The following FDFT1 variants were observed in gnomAD, a reference collection of about 807,000 sequenced individuals.
The protein encoded by FDFT1 is farnesyl-diphosphate farnesyltransferase 1.
FDFT1 carries 68 observed loss-of-function variants against 46.8 expected under a neutral mutation model. That is an observed-to-expected ratio of 1.45 (90% CI 1.19 to 1.78). The LOEUF (loss-of-function observed/expected upper bound fraction) is 1.78, where lower values mean the gene tolerates loss of function less well. Among genes scored for constraint, FDFT1 ranks in the 40% most tolerant of loss-of-function variants. The pLI is 0.00. For missense variants in FDFT1, 928 were observed against 524.4 expected (o/e 1.77, Z -7.52); for synonymous variants, 351 against 185.1 (o/e 1.90, Z -7.28).
At chr8:11,835,600 G>T (rs1338437213) in intron 7 of FDFT1, among the ~76,000 whole-genome samples, 1 of 152,188 alleles carries the variant, frequency 6.6e-6, no homozygotes, top group Non-Finnish European at 1.5e-5. Context: ...TTGGGTGCCA[G>T]CGATTGATTC....
chr8:11,797,537 T>G (rs201732525), upstream of FDFT1, among the ~76,000 whole-genome samples: 2 of 151,278 alleles, frequency 1.3e-5, no homozygotes, highest in Non-Finnish European at 2.9e-5. Context: ...AAAGAACAGA[T>G]AATCACAGCT....
chr8:11,803,268 G>C (rs1364365762), intron 1 of FDFT1: 37 of 1,341,516 alleles, frequency 2.8e-5, no homozygotes, highest in Middle Eastern at 2.0e-4. Flanking sequence ...AATGTGGGTG[G>C]GTTACGCGGG....
chr8:11,799,463 C>T (rs1585829912), upstream of FDFT1, among the ~76,000 whole-genome samples: 3 of 152,232 alleles, frequency 2.0e-5, no homozygotes, highest in East Asian at 1.9e-4. Flanking sequence ...CCATTGCCTG[C>T]ATGGCCTTAG....
chr8:11,798,354 C>A (rs913656728), upstream of FDFT1, among the ~76,000 whole-genome samples: 8 of 152,178 alleles, frequency 5.3e-5, no homozygotes, highest in Admixed American at 3.3e-4. Flanking sequence ...GCCACTGCAC[C>A]CAGCCCAGTG....
At position 11,802,854 on chromosome 8, in the gene FDFT1, G is replaced by A. The variant is rs1324986778; in HGVS notation, c.22G>A (p.Gly8Ser). The change falls in exon 1 of 8, where the codon GGC becomes AGC. Residue 8 changes from glycine (G) to serine (S), a missense_variant. Coordinates refer to ENST00000220584, the MANE Select transcript of FDFT1 (RefSeq NM_004462.5). ...CAGGATGGAGTTCGTGAAATGCCTTGGCCACCCCGAAGAGTTCTACAACCT... is the reference window on the plus strand; with the variant it reads ...CAGGATGGAGTTCGTGAAATGCCTTAGCCACCCCGAAGAGTTCTACAACCT... MEFVKCL[G>S]HPEEFYNLVR... 6.2e-7 allele frequency: 1 copy of A among 1,611,506 alleles called. No individual in the cohort carries two copies. Among genetic ancestry groups the A allele is most frequent in the Non-Finnish European group, 8.5e-7 (1 of 1,178,786 alleles).
At chr8:11,829,908 C>T (rs980782243) in intron 5 of FDFT1, among the ~76,000 whole-genome samples, 11 of 148,344 alleles carry the variant, frequency 7.4e-5, no homozygotes, top group Non-Finnish European at 1.3e-4. Flanking sequence ...AGTGCAATGG[C>T]GAGATCTTGA....
rs576899808 is a variant in FDFT1 at position 11,815,785 on chromosome 8, T to G, written c.381+5935T>G. Among the ~76,000 whole-genome samples the G allele has an allele frequency of 2.6e-5, 4 of 152,368 alleles. No homozygotes were observed. The South Asian group carries it at 6.2e-4, about 24-fold the overall frequency. On this transcript the variant is annotated intron_variant, in intron 3 of 7. Coordinates refer to ENST00000220584, the MANE Select transcript of FDFT1 (RefSeq NM_004462.5). The stretch of plus-strand genomic sequence containing the variant: ...TGGATACTACCCTTTGTTGGATGGA[T>G]AAATTACAAAAATTTTCTCCTATTC...
intron 5 of FDFT1, among the ~76,000 whole-genome samples, chr8:11,828,667 C>T (rs951227799): frequency 6.6e-6 from 1 of 152,252 alleles, no homozygotes; most frequent in African/African-American, 2.4e-5. Context: ...AGCATCATTT[C>T]TACCACACGG....
chr8:11,821,947 C>T lies in FDFT1; in HGVS notation c.510+69C>T, dbSNP rs147321316. ...AGCTGGCAGTCCTCATAGTGAAGCT[C>T]AGAACAAGAAAAGTTGTCCAGTATT... On this transcript the variant is annotated intron_variant, in intron 4 of 7. Transcript: ENST00000220584. The T allele has an allele frequency of 7.0e-6, 11 of 1,564,884 alleles. No homozygotes were observed. In the East Asian group the frequency reaches 2.1e-4, roughly 30 times the overall value.
chr8:11,810,008 C>T, intron 3 of FDFT1, 158 bp downstream of exon 3: 1 of 561,808 alleles, frequency 1.8e-6, no homozygotes, highest in East Asian at 3.0e-5. Flanking sequence ...ACTCTGAAGC[C>T]AGGCTGCCTG....
chr8:11,796,553 G>A (rs978396068), intron 1 of FDFT1, among the ~76,000 whole-genome samples: 3 of 152,218 alleles, frequency 2.0e-5, no homozygotes, highest in Non-Finnish European at 1.5e-5. Flanking sequence ...TCCGAGGCAG[G>A]CAGGGGAGTG....
At position 11,826,199 on chromosome 8, in the gene FDFT1, A is replaced by T; in HGVS notation, c.686A>T (p.Glu229Val). The T allele has an allele frequency of 1.9e-6, 3 of 1,557,656 alleles. No individual in the cohort carries two copies. Among genetic ancestry groups the T allele is most frequent in the Non-Finnish European group, 2.6e-6 (3 of 1,140,270 alleles). Residue 229 changes from glutamate (E) to valine (V), a missense_variant, in exon 5 of 8, where the codon GAG (glutamate) becomes GTG (valine). Transcript: ENST00000220584. ...CTGGAAGACCAGCAAGGAGGAAGAG[A>T]GTTCTGGCCTCAAGAGGTAACAGAT... ...DYLEDQQGGR[E>V]FWPQEVWSRY...
intron 3 of FDFT1, among the ~76,000 whole-genome samples, chr8:11,812,119 G>T (rs1807799557): frequency 6.6e-6 from 1 of 152,158 alleles, no homozygotes; most frequent in East Asian, 1.9e-4. Context: ...TCACTTCAGA[G>T]TGCCCCATTC....
chr8:11,809,201 A>G (rs1000176790), intron 2 of FDFT1: 2 of 1,210,036 alleles, frequency 1.7e-6, no homozygotes, highest in Non-Finnish European at 2.1e-6. Flanking sequence ...CCCTTATCCA[A>G]CTTTGCATTT....
At chr8:11,808,655 C>G in intron 1 of FDFT1, 139 bp from the exon 2 acceptor site, 1 of 1,435,936 alleles carries the variant, frequency 7.0e-7, no homozygotes, top group African/African-American at 1.5e-5. Context: ...CCGCCTGGCC[C>G]TGCAAGGACT....
At position 11,808,862 on chromosome 8, in the gene FDFT1, T is replaced by C; in HGVS notation, c.168T>C (p.Ala56=). 6.2e-7 allele frequency: 1 copy of C among 1,614,052 alleles called. No homozygotes were observed. The highest frequency in any genetic ancestry group is 8.5e-7 in the Non-Finnish European group (1 of 1,179,984). The change falls in exon 2 of 8, where the codon GCT becomes GCC. Residue 56 remains alanine, a synonymous_variant. Coordinates refer to ENST00000220584, the MANE Select transcript of FDFT1 (RefSeq NM_004462.5). ...ATCAGACCAGTCGCAGTTTCGCAGC[T>C]GTTATCCAGGCGCTGGATGGGGAAA... ...YLNQTSRSFA[A]VIQALDGEMR...
At chr8:11,810,709 C>T (rs552591873) in intron 3 of FDFT1, among the ~76,000 whole-genome samples, 1 of 152,098 alleles carries the variant, frequency 6.6e-6, no homozygotes, top group African/African-American at 2.4e-5. Context: ...ATAACTGATT[C>T]TTCCATATCT....
intron 3 of FDFT1, among the ~76,000 whole-genome samples, chr8:11,812,270 T>C (rs1325120558): frequency 6.6e-6 from 1 of 152,202 alleles, no homozygotes; most frequent in Non-Finnish European, 1.5e-5. Flanking sequence ...CACGTCTGCG[T>C]CCGCACAGTC....
At position 11,809,725 on chromosome 8, in the gene FDFT1, A is replaced by G. The variant is rs1488357261; in HGVS notation, c.256A>G (p.Met86Val). ...LRALDTLEDD[M>V]TISVEKKVPL... ...AGCTCTGGACACACTGGAAGATGAC[A>G]TGACCATCAGTGTGGAAAAGAAGGT... The change falls in exon 3 of 8, where the codon ATG becomes GTG. Residue 86 changes from methionine to valine, a missense_variant. Physicochemically the swap from Met to Val is conservative, Grantham distance 21. Transcript: ENST00000220584. The G allele has an allele frequency of 6.2e-7, 1 of 1,614,120 alleles. No individual in the cohort carries two copies. Among genetic ancestry groups the G allele is most frequent in the Non-Finnish European group, 8.5e-7 (1 of 1,179,962 alleles).
Sources: gnomAD v4.1 joint callset for allele counts (sites outside exome capture counted in the v4.1 genomes callset) on GRCh38, gnomAD v4.1.1 for gene constraint, MANE v1.5 for transcripts, NCBI Gene and HGNC (gene_info 2026-07-23, HGNC 2026-07-21) for gene names.